The following RBFOX1 variants were observed in gnomAD, a reference collection of about 807,000 sequenced individuals.
RBFOX1 encodes RNA binding protein fox-1 homolog 1.
In RBFOX1, 8 loss-of-function variants were observed where a neutral mutation model predicts 57.7. The ratio of observed to expected loss-of-function variants is 0.14; its 90% confidence interval spans 0.08 to 0.25. The LOEUF (loss-of-function observed/expected upper bound fraction) is 0.25, where lower values mean the gene tolerates loss of function less well. Ranked by LOEUF, RBFOX1 falls within the 10% of genes least tolerant of loss-of-function variation. The probability of loss-of-function intolerance (pLI) is 1.00; values close to 1 mark genes in which losing one functional copy is unlikely to be tolerated. For synonymous variants in RBFOX1, 326 were observed against 222.4 expected (o/e 1.47, Z -4.15); for missense variants, 611 against 548.5 (o/e 1.11, Z -1.14).
chr16:7,682,272 T>C (rs1020302953), intron 14 of RBFOX1, among the ~76,000 whole-genome samples: 1 of 152,128 alleles, frequency 6.6e-6, no homozygotes, highest in African/African-American at 2.4e-5. Context: ...GAGAAATCTG[T>C]TGGAAAAATA....
At chr16:6,996,253 C>A (rs1251090461) in intron 3 of RBFOX1, among the ~76,000 whole-genome samples, 1 of 152,160 alleles carries the variant, frequency 6.6e-6, no homozygotes, top group Non-Finnish European at 1.5e-5. Context: ...CTTTTAAATT[C>A]ATATAAATAC....
At chr16:6,972,148 T>C (rs1036991647) in intron 3 of RBFOX1, among the ~76,000 whole-genome samples, 1 of 152,196 alleles carries the variant, frequency 6.6e-6, no homozygotes, top group Non-Finnish European at 1.5e-5. Flanking sequence ...AAGAATATAG[T>C]TCAGTAGTGT....
chr16:6,724,205 T>C (rs189074186), intron 3 of RBFOX1, among the ~76,000 whole-genome samples: 13 of 142,482 alleles, frequency 9.1e-5, no homozygotes, highest in African/African-American at 3.0e-4. Context: ...GAAGGCATCT[T>C]CCATTTTTTT....
At chr16:7,453,538 T>C (rs573619900) in intron 4 of RBFOX1, among the ~76,000 whole-genome samples, 24 of 152,298 alleles carry the variant, frequency 1.6e-4, no homozygotes, top group African/African-American at 4.3e-4. Flanking sequence ...AGGCATTGTG[T>C]TCATAGTGTA....
At chr16:5,309,935 C>G (rs150010378) in intron 1 of RBFOX1, among the ~76,000 whole-genome samples, 2 of 152,302 alleles carry the variant, frequency 1.3e-5, no homozygotes, top group Admixed American at 6.5e-5. Context: ...GCTTCTTTTT[C>G]TGGTCCTTTG....
At chr16:6,615,818 G>T (rs966295560) in intron 2 of RBFOX1, among the ~76,000 whole-genome samples, 1 of 152,142 alleles carries the variant, frequency 6.6e-6, no homozygotes, top group East Asian at 1.9e-4. Context: ...AGACACAGCC[G>T]CATTTCCCTT....
At chr16:7,169,876 G>T (rs1030086977) in intron 4 of RBFOX1, among the ~76,000 whole-genome samples, 2 of 151,998 alleles carry the variant, frequency 1.3e-5, no homozygotes, top group Non-Finnish European at 2.9e-5. Flanking sequence ...TTCAAGACCT[G>T]CCCTGGCAAC....
intron 1 of RBFOX1, among the ~76,000 whole-genome samples, chr16:5,288,772 C>G (rs1478089609): frequency 6.6e-6 from 1 of 152,018 alleles, no homozygotes; most frequent in Non-Finnish European, 1.5e-5. Context: ...CTTCCTTATG[C>G]TGTTAAGAAA....
chr16:5,671,210 A>T (rs1057084624), intron 3 of RBFOX1, among the ~76,000 whole-genome samples: 1 of 152,244 alleles, frequency 6.6e-6, no homozygotes, highest in African/African-American at 2.4e-5. Context: ...TGAAAGTTTC[A>T]ATCTGCAACT....
intron 2 of RBFOX1, among the ~76,000 whole-genome samples, chr16:6,650,705 T>C (rs17140834): frequency 0.048 from 7,373 of 152,272 alleles, 214 homozygotes; most frequent in Non-Finnish European, 0.053. Flanking sequence ...CCTTATGATA[T>C]TGTCTCTTTT....
intron 2 of RBFOX1, among the ~76,000 whole-genome samples, chr16:5,560,482 T>A (rs1051768471): frequency 6.6e-6 from 1 of 152,194 alleles, no homozygotes; most frequent in Non-Finnish European, 1.5e-5. Flanking sequence ...TTATGTATTT[T>A]ATTTCTCTGT....
chr16:5,463,304 G>C (rs2068847913), intron 1 of RBFOX1, among the ~76,000 whole-genome samples: 1 of 152,088 alleles, frequency 6.6e-6, no homozygotes, highest in Non-Finnish European at 1.5e-5. Flanking sequence ...GATTTTTGCA[G>C]GGCAGCTCAG....
rs78417971 is a variant in RBFOX1, at chr16:6,416,576, C to T, written c.-64+99519C>T. 3.7e-3 allele frequency among the ~76,000 whole-genome samples: 561 copies of T among 151,990 alleles called. 3 individuals carry two copies. Among genetic ancestry groups the T allele is most frequent in the African/African-American group, 0.013 (523 of 41,458 alleles). ...AGAAACAGATAAGAAAGAGTGGCACCGAGGCTTCTTGTACAAGGGTGATTG... is the reference window on the plus strand; with the variant it reads ...AGAAACAGATAAGAAAGAGTGGCACTGAGGCTTCTTGTACAAGGGTGATTG... On this transcript the variant is annotated intron_variant, in intron 2 of 15. Transcript: ENST00000550418.
chr16:5,912,817 G>C (rs1196431696), intron 4 of RBFOX1, among the ~76,000 whole-genome samples: 2 of 152,150 alleles, frequency 1.3e-5, no homozygotes, highest in Admixed American at 1.3e-4. Flanking sequence ...AGCTGGTTTG[G>C]CGATGAAAGT....
intron 2 of RBFOX1, among the ~76,000 whole-genome samples, chr16:6,347,512 G>C (rs1030216278): frequency 6.6e-6 from 1 of 152,216 alleles, no homozygotes; most frequent in Non-Finnish European, 1.5e-5. Context: ...TGACAGTGTA[G>C]TGTCAATCAT....
intron 3 of RBFOX1, among the ~76,000 whole-genome samples, chr16:5,690,995 C>T (rs777148434): frequency 1.3e-5 from 2 of 152,212 alleles, no homozygotes; most frequent in Non-Finnish European, 2.9e-5. Context: ...CCAGTGCAGC[C>T]CAATAATCCT....
chr16:6,529,580 T>C (rs1414966660), intron 2 of RBFOX1, among the ~76,000 whole-genome samples: 1 of 91,408 alleles, frequency 1.1e-5, no homozygotes, highest in Admixed American at 1.0e-4. Context: ...TTATTATTAA[T>C]AATATATTAT....
intron 4 of RBFOX1, among the ~76,000 whole-genome samples, chr16:7,358,948 C>A (rs1173625747): frequency 2.0e-5 from 3 of 152,188 alleles, no homozygotes; most frequent in Non-Finnish European, 4.4e-5. Flanking sequence ...TAAAGTAAAA[C>A]ATTTCTCCTT....
chr16:5,618,065 T>C (rs1342606242), intron 3 of RBFOX1, among the ~76,000 whole-genome samples: 1 of 152,220 alleles, frequency 6.6e-6, no homozygotes, highest in Non-Finnish European at 1.5e-5. Flanking sequence ...TATGAATTTT[T>C]ACATCTGTGT....
Sources: gnomAD v4.1 joint callset for allele counts (sites outside exome capture counted in the v4.1 genomes callset) on GRCh38, gnomAD v4.1.1 for gene constraint, MANE v1.5 for transcripts, NCBI Gene and HGNC (gene_info 2026-07-23, HGNC 2026-07-21) for gene names.